The following DHX58 variants were observed in gnomAD, a reference collection of about 807,000 sequenced individuals.
The protein encoded by DHX58 is DExH-box helicase 58, also known as ATP-dependent RNA helicase DHX58.
A neutral mutation model predicts 65.0 loss-of-function variants in DHX58; 51 were observed. The ratio of observed to expected loss-of-function variants is 0.78; its 90% CI spans 0.63 to 0.99. The LOEUF (loss-of-function observed/expected upper bound fraction) is 0.99, where lower values mean the gene tolerates loss of function less well. DHX58 is among the 50% of genes least tolerant of loss of function. The pLI is 0.00. For synonymous variants in DHX58, 350 were observed against 365.0 expected (o/e 0.96, Z 0.47); for missense variants, 773 against 891.8 (o/e 0.87, Z 1.70).
Position 42,107,690 on chromosome 17 carries a change from G to C in DHX58, c.911C>G (p.Ala304Gly). 1.9e-6 allele frequency: 3 copies of C among 1,612,820 alleles called. No homozygotes were observed. The highest frequency in any genetic ancestry group is 4.5e-5 in the East Asian group (2 of 44,836). Residue 304 changes from alanine (A) to glycine (G), a missense_variant, in exon 8 of 14, where the codon GCT (alanine) becomes GGT (glycine). By Grantham distance (60) the Ala-to-Gly change is moderately conservative. Transcript: ENST00000251642. Reference protein sequence around the residue: ...HDTVRAVDALAALQDFYHREH... With the variant: ...HDTVRAVDALGALQDFYHREH... ...CCTGTGATAGAAATCCTGCAGCGCAGCCAAGGCATCCACGGCGCGGACGGT... is the reference window on the plus strand; with the variant it reads ...CCTGTGATAGAAATCCTGCAGCGCACCCAAGGCATCCACGGCGCGGACGGT...
At chr17:42,103,939 T>C (rs1397388884) in intron 11 of DHX58, 141 bp from the exon 12 acceptor site, 2 of 956,730 alleles carry the variant, frequency 2.1e-6, no homozygotes, top group Non-Finnish European at 3.0e-6. Flanking sequence ...AGAAGCTCTA[T>C]TGCTGTGATG....
At chr17:42,106,316 G>A (rs373327427) in intron 8 of DHX58, among the ~76,000 whole-genome samples, 1 of 111,648 alleles carries the variant, frequency 9.0e-6, no homozygotes, top group African/African-American at 7.3e-5. Context: ...GAGGGAGGGA[G>A]GGAAAGAAAG....
chr17:42,107,913 C>G, intron 7 of DHX58, 69 bp downstream of exon 7: 1 of 1,604,096 alleles, frequency 6.2e-7, no homozygotes, highest in African/African-American at 1.3e-5. Context: ...CAAAGGCCTC[C>G]GCCCCGGCAG....
intron 11 of DHX58, among the ~76,000 whole-genome samples, chr17:42,104,514 T>C (rs2054024323): frequency 6.6e-6 from 1 of 152,126 alleles, no homozygotes; most frequent in Non-Finnish European, 1.5e-5. Flanking sequence ...CTCTTCCAGA[T>C]ACATAAAGTA....
chr17:42,103,134 GA>G (rs1234885697), intron 12 of DHX58: 1 of 179,540 alleles, frequency 5.6e-6, no homozygotes, highest in Non-Finnish European at 1.2e-5. Context: ...CAGACCCATT[GA>G]GACCTAGCTG....
rs1393283381 is a variant in DHX58 at position 42,101,959 on chromosome 17, C to CA, written c.1852-14dup. 1 of 1,601,584 alleles carries CA rather than the reference C, an allele frequency of 6.2e-7. No homozygotes were observed. The highest frequency in any genetic ancestry group is 2.2e-5 in the East Asian group (1 of 44,594). ...GCAGACCCCAGACCTGGAGGTGAGA[C>CA]AGAGAGGGTAGGGTCTGGGTCTCTG... On this transcript the variant is annotated splice_polypyrimidine_tract_variant and intron_variant, in intron 13 of 13. Coordinates refer to ENST00000251642, the MANE Select transcript of DHX58 (RefSeq NM_024119.3).
chr17:42,106,204 G>A (rs1555662649), intron 8 of DHX58, among the ~76,000 whole-genome samples: 3 of 140,680 alleles, frequency 2.1e-5, no homozygotes, highest in African/African-American at 7.9e-5. Flanking sequence ...GAGAGAGAGA[G>A]AAAGAGAGAA....
rs1175592367 is a variant in DHX58, at chr17:42,112,685, C to G, written c.-175G>C. 6.6e-6 allele frequency: 1 copy of G among 152,276 alleles called. No homozygotes were observed. The highest frequency in any genetic ancestry group is 1.5e-5 in the Non-Finnish European group (1 of 68,124). The allele number at this position is 152,276 out of a possible 1,614,324, so 9.4% of individuals were successfully genotyped here. A position where few individuals can be genotyped will look rare whatever the true frequency, so the allele number is the denominator to read the frequency against. On this transcript the variant is annotated 5_prime_UTR_variant, in exon 1 of 14. Transcript: ENST00000251642. ...CGGCCCTGCTTAGCTCAGCCTGGTG[C>G]CGCTGTGCTCAGCGCAGAGAGCAGA...
chr17:42,106,680 G>C (rs1222640508), intron 8 of DHX58, among the ~76,000 whole-genome samples: 4 of 120,406 alleles, frequency 3.3e-5, no homozygotes, highest in Non-Finnish European at 6.7e-5. Context: ...CACACTTGTA[G>C]TCCCAGCTAC....
intron 2 of DHX58, 56 bp downstream of exon 2, chr17:42,112,057 G>A: frequency 2.4e-6 from 2 of 844,344 alleles, no homozygotes; most frequent in South Asian, 4.0e-5. Flanking sequence ...CTGCCCAAAA[G>A]GGGGAGGCGG....
rs1413891096 is a variant in DHX58, at chr17:42,105,081, G to A, written c.1338C>T (p.Asp446=). 9.3e-6 allele frequency: 15 copies of A among 1,613,802 alleles called. No individual in the cohort carries two copies. Among genetic ancestry groups the A allele is most frequent in the Non-Finnish European group, 1.3e-5 (15 of 1,180,000 alleles). The stretch of plus-strand genomic sequence containing the variant: ...GCACCACCACATTGCAATGTGGGAT[G>A]TCCAGCCCCTCCTCCGCCACACTCG... The part of the protein sequence containing the change: ...VATSVAEEGL[D]IPHCNVVVRY... Residue 446 remains aspartate (D), a synonymous_variant, in exon 10 of 14, where the codon GAC becomes GAT. Coordinates refer to ENST00000251642, the MANE Select transcript of DHX58 (RefSeq NM_024119.3).
chr17:42,106,511 G>A (rs2054062456), intron 8 of DHX58, among the ~76,000 whole-genome samples: 2 of 152,038 alleles, frequency 1.3e-5, no homozygotes. Context: ...ATTTAAGGAT[G>A]CCCTGGCCGG....
rs1472778608 is a variant in DHX58, at chr17:42,101,702, T to C, written c.*59A>G. 3.8e-6 allele frequency: 6 copies of C among 1,575,074 alleles called. No homozygotes were observed. The East Asian group carries it at 1.4e-4, about 36-fold the overall frequency. On this transcript the variant is annotated 3_prime_UTR_variant, in exon 14 of 14. Transcript: ENST00000251642. ...TGATTCAGGAAGGAGGGGCCTGGAGTCTGCTGCAGACTCTCCCGCCCCCTA... is the reference window on the plus strand; with the variant it reads ...TGATTCAGGAAGGAGGGGCCTGGAGCCTGCTGCAGACTCTCCCGCCCCCTA...
Position 42,111,720 on chromosome 17 carries a change from C to T in DHX58, c.168+5G>A, listed in dbSNP as rs368283607. On this transcript the variant is annotated splice_donor_5th_base_variant and intron_variant, in intron 3 of 13. Transcript: ENST00000251642. ...GGGAGAGCGGGGTAGGGACAGACCA[C>T]TCACCCTGTTGACCAATACAACCAC... The T allele has an allele frequency of 1.1e-5, 18 of 1,606,990 alleles. No homozygotes were observed. Among genetic ancestry groups the T allele is most frequent in the South Asian group, 2.2e-5 (2 of 90,538 alleles).
At position 42,105,164 on chromosome 17, in the gene DHX58, C is replaced by T; in HGVS notation, c.1255G>A (p.Asp419Asn). The change falls in exon 10 of 14, where the codon GAC becomes AAC. Residue 419 changes from aspartate to asparagine, a missense_variant. Coordinates refer to ENST00000251642, the MANE Select transcript of DHX58 (RefSeq NM_024119.3). ...SSQSTHMTQR[D>N]QQEVIQKFQD... Reference sequence around the variant, plus strand: ...AACTTCTGGATCACTTCTTGCTGGTCCCTCTGCAGGCGGAGGGCAGGGAGG... The same window carrying T: ...AACTTCTGGATCACTTCTTGCTGGTTCCTCTGCAGGCGGAGGGCAGGGAGG... 1 of 1,610,982 alleles carries T rather than the reference C, an allele frequency of 6.2e-7. No individual in the cohort carries two copies. Among genetic ancestry groups the T allele is most frequent in the South Asian group, 1.1e-5 (1 of 90,716 alleles).
In DHX58 at chr17:42,104,918, G is replaced by A. The variant is rs781871634; in HGVS notation, c.1411C>T (p.Arg471Cys). 4.0e-5 allele frequency: 64 copies of A among 1,613,908 alleles called. No homozygotes were observed. The highest frequency in any genetic ancestry group is 4.8e-5 in the Non-Finnish European group (57 of 1,180,022). Residue 471 changes from arginine (R) to cysteine (C), a missense_variant, in exon 11 of 14, where the codon CGT becomes TGT. Transcript: ENST00000251642. ...TATACACTCTGATCGGCCCGGGCAC[G>A]GCCCCTGGCCTGGGAAGAGAGACAA... ...NEISMVQARGRARADQSVYAF... is the reference protein window; with the variant it reads ...NEISMVQARGCARADQSVYAF...
At chr17:42,103,490 T>C (rs1555661900) in intron 12 of DHX58, 118 bp downstream of exon 12, 9 of 1,280,882 alleles carry the variant, frequency 7.0e-6, no homozygotes, top group Middle Eastern at 2.4e-4. Flanking sequence ...AACCAGATTA[T>C]TGTGAAAATG....
At position 42,105,778 on chromosome 17, in the gene DHX58, C is replaced by G. The variant is rs781821891; in HGVS notation, c.1209G>C (p.Leu403=). Residue 403 remains leucine, a synonymous_variant, in exon 9 of 14, where the codon CTG becomes CTC. Coordinates refer to ENST00000251642, the MANE Select transcript of DHX58 (RefSeq NM_024119.3). ...LQTVDIRAQL[L]IGAGNSSQST... ...TCTGGCTGCTGTTCCCAGCCCCAAT[C>G]AGTAGCTGGGCCCGGATGTCCACAG... 5 of 1,608,360 alleles carry G rather than the reference C, an allele frequency of 3.1e-6. No individual in the cohort carries two copies. In the South Asian group the frequency reaches 5.5e-5, roughly 18 times the overall value.
At chr17:42,105,256 A>G (rs1266312470) in intron 9 of DHX58, 89 bp from the exon 10 acceptor site, 3 of 1,447,040 alleles carry the variant, frequency 2.1e-6, no homozygotes, top group Non-Finnish European at 2.8e-6. Flanking sequence ...CTTCTGGTTC[A>G]GCCCTCACTC....
Sources: gnomAD v4.1 joint callset for allele counts (sites outside exome capture counted in the v4.1 genomes callset) on GRCh38, gnomAD v4.1.1 for gene constraint, MANE v1.5 for transcripts, NCBI Gene and HGNC (gene_info 2026-07-23, HGNC 2026-07-21) for gene names.